TMC7: variants seen among roughly 807,000 people sequenced by gnomAD.
TMC7 encodes transmembrane channel like 7.
A neutral mutation model predicts 82.9 loss-of-function variants in TMC7; 54 were observed. That is an observed-to-expected ratio of 0.65 (90% CI 0.52 to 0.82). The LOEUF (loss-of-function observed/expected upper bound fraction) is 0.82, where lower values mean the gene tolerates loss of function less well. Ranked by LOEUF, TMC7 falls within the 40% of genes least tolerant of loss-of-function variation. The pLI is 0.00. For synonymous variants in TMC7, 350 were observed against 337.9 expected (o/e 1.04, Z -0.39); for missense variants, 820 against 901.2 (o/e 0.91, Z 1.15).
At chr16:18,990,219 A>G (rs1284085975) in intron 1 of TMC7, among the ~76,000 whole-genome samples, 2 of 152,150 alleles carry the variant, frequency 1.3e-5, no homozygotes, top group East Asian at 3.9e-4. Flanking sequence ...ACAAATCACA[A>G]TGGTGGAATG....
chr16:18,983,965 C>G lies in TMC7; in HGVS notation c.-99C>G. On this transcript the variant is annotated 5_prime_UTR_variant, in exon 1 of 16. Coordinates refer to ENST00000304381, the MANE Select transcript of TMC7 (RefSeq NM_024847.4). Reference sequence around the variant, plus strand: ...GCTTCTGTGATGTCAGCGCCGGAACCTGGAATCCCGGCTCCGCGAGGGAAG... The same window carrying G: ...GCTTCTGTGATGTCAGCGCCGGAACGTGGAATCCCGGCTCCGCGAGGGAAG... 3 of 1,271,892 alleles carry G rather than the reference C, an allele frequency of 2.4e-6. No homozygotes were observed. Among genetic ancestry groups the G allele is most frequent in the South Asian group, 2.0e-5 (1 of 49,848 alleles). The allele number at this position is 1,271,892 out of a possible 1,614,324, so 78.8% of individuals were successfully genotyped here.
At chr16:19,016,845 G>A (rs1391321618) in intron 3 of TMC7, among the ~76,000 whole-genome samples, 1 of 152,056 alleles carries the variant, frequency 6.6e-6, no homozygotes, top group Non-Finnish European at 1.5e-5. Flanking sequence ...ATGAATACTT[G>A]GAAATTTCAG....
rs763875145 is a variant in TMC7 at position 19,044,898 on chromosome 16, G to A, written c.1352G>A (p.Arg451Gln). Residue 451 changes from arginine to glutamine, a missense_variant, in exon 10 of 16, where the codon CGG (arginine) becomes CAG (glutamine). By Grantham distance (43) the Arg-to-Gln change is conservative. Around this residue, in one of 2 missense-constraint regions of TMC7, gnomAD observed 650 missense variants for 669.9 expected, o/e 0.97. Coordinates refer to ENST00000304381, the MANE Select transcript of TMC7 (RefSeq NM_024847.4). ...TCTCCCCGAAGGTGTGTCTTTATGC[G>A]GCTGGCCACCATATGTGTCCTGGTG... Reference protein sequence around the residue: ...RLTILRCVFMRLATICVLVFT... With the variant: ...RLTILRCVFMQLATICVLVFT... The A allele has an allele frequency of 5.6e-6, 9 of 1,613,696 alleles. No homozygotes were observed. The highest frequency in any genetic ancestry group is 2.2e-5 in the East Asian group (1 of 44,844).
intron 12 of TMC7, among the ~76,000 whole-genome samples, chr16:19,049,179 G>A (rs1188722133): frequency 6.6e-6 from 1 of 152,016 alleles, no homozygotes. Flanking sequence ...ATGCGCCACC[G>A]TGCCAAGCTA....
intron 5 of TMC7, among the ~76,000 whole-genome samples, chr16:19,026,476 C>CAAA (rs567272137): frequency 9.0e-6 from 1 of 111,122 alleles, no homozygotes; most frequent in Non-Finnish European, 1.9e-5. Context: ...GACTCCGTCT[C>CAAA]AAAAAAAAAA....
intron 3 of TMC7, among the ~76,000 whole-genome samples, chr16:19,017,530 A>C (rs1048894556): frequency 1.3e-5 from 2 of 151,758 alleles, no homozygotes; most frequent in African/African-American, 4.8e-5. Flanking sequence ...ATTATTAAAA[A>C]CATTATCCCA....
intron 1 of TMC7, among the ~76,000 whole-genome samples, chr16:18,987,874 T>C (rs2038880006): frequency 6.6e-6 from 1 of 152,156 alleles, no homozygotes; most frequent in South Asian, 2.1e-4. Flanking sequence ...TGGAAGGGCC[T>C]TGATATGACT....
chr16:19,010,837 A>T (rs1217110538), intron 2 of TMC7, among the ~76,000 whole-genome samples: 1 of 152,090 alleles, frequency 6.6e-6, no homozygotes, highest in Non-Finnish European at 1.5e-5. Context: ...TGGGATGATC[A>T]CATGGTATCA....
intron 3 of TMC7, 128 bp from the exon 4 acceptor site, chr16:19,021,501 A>C (rs79495269): frequency 0.029 from 30,308 of 1,034,286 alleles, 756 homozygotes; most frequent in South Asian, 0.079. Context: ...AATTGAGAAA[A>C]AAATAAAACG....
chr16:19,031,842 G>A (rs905823249), intron 6 of TMC7, among the ~76,000 whole-genome samples: 15 of 152,286 alleles, frequency 9.8e-5, no homozygotes, highest in Admixed American at 3.3e-4. Context: ...CCTGCCAAGG[G>A]ATGGGAAAGG....
intron 1 of TMC7, among the ~76,000 whole-genome samples, chr16:19,004,335 T>C (rs2039197014): frequency 6.6e-6 from 1 of 152,138 alleles, no homozygotes; most frequent in African/African-American, 2.4e-5. Context: ...AGTTGATTTG[T>C]ATGGAATTTT....
At chr16:18,989,700 G>T (rs1167829668) in intron 1 of TMC7, among the ~76,000 whole-genome samples, 1 of 151,328 alleles carries the variant, frequency 6.6e-6, no homozygotes, top group Non-Finnish European at 1.5e-5. Context: ...AACGGTAAAG[G>T]GACAAATAGG....
At chr16:19,003,305 C>T (rs2039173256) in intron 1 of TMC7, among the ~76,000 whole-genome samples, 1 of 152,334 alleles carries the variant, frequency 6.6e-6, no homozygotes. Context: ...TAGAGCAAGA[C>T]CCTATCTCAA....
In TMC7 at chr16:19,062,765, T is replaced by C. The variant is rs188315912; in HGVS notation, c.*922T>C. The C allele has an allele frequency of 8.5e-5, 13 of 152,790 alleles. No individual in the cohort carries two copies. The East Asian group carries it at 2.5e-3, about 29-fold the overall frequency. The allele number at this position is 152,790 out of a possible 1,614,324, so 9.5% of individuals were successfully genotyped here. A position where few individuals can be genotyped will look rare whatever the true frequency, so the allele number is the denominator to read the frequency against. The stretch of plus-strand genomic sequence containing the variant: ...AACAGAAGTTTAAGTTATTGTTTAA[T>C]GTAATCAGTTTTCATTTTAATATCT... On this transcript the variant is annotated 3_prime_UTR_variant, in exon 16 of 16. Coordinates refer to ENST00000304381, the MANE Select transcript of TMC7 (RefSeq NM_024847.4).
chr16:19,012,658 G>A (rs1457386329), intron 2 of TMC7, among the ~76,000 whole-genome samples: 6 of 151,246 alleles, frequency 4.0e-5, no homozygotes, highest in African/African-American at 7.3e-5. Flanking sequence ...GTGTGGTGGC[G>A]GTTGCCTGTT....
intron 1 of TMC7, 98 bp downstream of exon 1, chr16:18,984,228 C>A: frequency 7.4e-7 from 1 of 1,359,810 alleles, no homozygotes; most frequent in Non-Finnish European, 9.4e-7. Context: ...CCGCTGTTCC[C>A]TCCCACCCCC....
At chr16:19,032,212 G>C (rs1262377994) in intron 6 of TMC7, among the ~76,000 whole-genome samples, 1 of 152,132 alleles carries the variant, frequency 6.6e-6, no homozygotes, top group African/African-American at 2.4e-5. Flanking sequence ...AAGAGACCAG[G>C]GTGCTGTGGA....
At chr16:18,985,689 G>A (rs895242402) in intron 1 of TMC7, among the ~76,000 whole-genome samples, 9 of 146,774 alleles carry the variant, frequency 6.1e-5, no homozygotes, top group African/African-American at 2.3e-4. Flanking sequence ...ATGCCCCTTA[G>A]ATAGATGAGT....
chr16:19,059,726 AG>A, intron 15 of TMC7: 2 of 1,505,420 alleles, frequency 1.3e-6, no homozygotes, highest in Non-Finnish European at 1.8e-6. Flanking sequence ...CTGTAATCCC[AG>A]CACTTTTGGG....
Sources: gnomAD v4.1 joint callset for allele counts (sites outside exome capture counted in the v4.1 genomes callset) on GRCh38, gnomAD v4.1.1 for gene constraint, gnomAD v4.1.1 regional missense constraint, MANE v1.5 for transcripts, NCBI Gene and HGNC (gene_info 2026-07-23, HGNC 2026-07-21) for gene names.